The following ATRNL1 variants were observed in gnomAD, a reference collection of about 807,000 sequenced individuals.
ATRNL1 encodes the protein attractin-like protein 1.
A neutral mutation model predicts 182.7 loss-of-function variants in ATRNL1; 95 were observed. The ratio of observed to expected loss-of-function variants is 0.52; its 90% CI spans 0.44 to 0.62. The LOEUF is 0.62. ATRNL1 is among the 20% of genes least tolerant of loss of function. The pLI, the probability that ATRNL1 is intolerant of heterozygous loss-of-function variation, is 0.00. For missense variants in ATRNL1, 1,471 were observed against 1,679.5 expected (o/e 0.88, Z 2.17); for synonymous variants, 576 against 568.3 (o/e 1.01, Z -0.19).
chr10:115,275,564 TA>T (rs1460705230), intron 13 of ATRNL1, among the ~76,000 whole-genome samples: 1 of 152,220 alleles, frequency 6.6e-6, no homozygotes, highest in Non-Finnish European at 1.5e-5. Context: ...TTGCCTTTGT[TA>T]GTTGAGTGCT....
rs370397722 is a variant in ATRNL1, at chr10:115,779,934, C to G, written c.3903+52579C>G. Reference sequence around the variant, plus strand: ...GCAAGATGGCCATTGATCATCCCTACTGCAGGAACACCAAATTTCACAACT... The same window carrying G: ...GCAAGATGGCCATTGATCATCCCTAGTGCAGGAACACCAAATTTCACAACT... On this transcript the variant is annotated intron_variant, in intron 27 of 28. Coordinates refer to ENST00000355044, the MANE Select transcript of ATRNL1 (RefSeq NM_207303.4). Among the ~76,000 whole-genome samples the G allele has an allele frequency of 7.2e-5, 11 of 152,348 alleles. No individual in the cohort carries two copies. The East Asian group carries it at 1.7e-3, about 24-fold the overall frequency.
At chr10:115,648,878 G>A (rs1555033554) in intron 26 of ATRNL1, among the ~76,000 whole-genome samples, 1 of 152,122 alleles carries the variant, frequency 6.6e-6, no homozygotes, top group African/African-American at 2.4e-5. Context: ...GTGCCATTTT[G>A]TGGTAGAACA....
chr10:115,377,776 G>C (rs1554949954), intron 19 of ATRNL1, among the ~76,000 whole-genome samples: 1 of 152,150 alleles, frequency 6.6e-6, no homozygotes, highest in Non-Finnish European at 1.5e-5. Flanking sequence ...AATGGAATTG[G>C]AGTTGGCTCA....
At chr10:115,755,427 T>A (rs1948560921) in intron 27 of ATRNL1, among the ~76,000 whole-genome samples, 1 of 152,204 alleles carries the variant, frequency 6.6e-6, no homozygotes, top group Admixed American at 6.5e-5. Flanking sequence ...ATTGAGATAA[T>A]CATGTGGTTT....
At position 115,121,581 on chromosome 10, in the gene ATRNL1, T is replaced by A. The variant is rs576344255; in HGVS notation, c.378-118T>A. On this transcript the variant is annotated intron_variant, in intron 2 of 28. Coordinates refer to ENST00000355044, the MANE Select transcript of ATRNL1 (RefSeq NM_207303.4). Reference sequence around the variant, plus strand: ...ATCTATAAACAGATTTCTAATAAAATACCCTATCTAAAGTTTCTTCACTCT... The same window carrying A: ...ATCTATAAACAGATTTCTAATAAAAAACCCTATCTAAAGTTTCTTCACTCT... The A allele has an allele frequency of 1.8e-4, 70 of 399,072 alleles. No individual in the cohort carries two copies. The East Asian group carries it at 2.6e-3, about 15-fold the overall frequency. 24.7% of individuals were successfully genotyped at this position (399,072 alleles called of 1,614,324 possible). A position where few individuals can be genotyped will look rare whatever the true frequency, so the allele number is the denominator to read the frequency against.
chr10:115,625,816 C>A (rs1858059182), intron 26 of ATRNL1, among the ~76,000 whole-genome samples: 1 of 152,052 alleles, frequency 6.6e-6, no homozygotes. Flanking sequence ...ATATTTCCAA[C>A]CTCAATGAAC....
intron 26 of ATRNL1, among the ~76,000 whole-genome samples, chr10:115,722,924 T>A (rs962123078): frequency 6.6e-6 from 1 of 152,160 alleles, no homozygotes; most frequent in African/African-American, 2.4e-5. Flanking sequence ...AAAGGACATA[T>A]AAGAGTTTTA....
chr10:115,774,279 T>C (rs1949064804), intron 27 of ATRNL1, among the ~76,000 whole-genome samples: 1 of 151,680 alleles, frequency 6.6e-6, no homozygotes, highest in Non-Finnish European at 1.5e-5. Flanking sequence ...AGTACAAAAA[T>C]TAGCCAGGCA....
intron 26 of ATRNL1, among the ~76,000 whole-genome samples, chr10:115,648,766 A>G (rs2133875474): frequency 6.6e-6 from 1 of 152,244 alleles, no homozygotes; most frequent in East Asian, 1.9e-4. Flanking sequence ...TACTTTTGGT[A>G]TTGTTTCATT....
chr10:115,848,208 G>A (rs1159461915), intron 28 of ATRNL1, among the ~76,000 whole-genome samples: 1 of 152,062 alleles, frequency 6.6e-6, no homozygotes, highest in Non-Finnish European at 1.5e-5. Flanking sequence ...AACACATGTT[G>A]AATATGTGTT....
chr10:115,841,826 T>G (rs1950816544), intron 27 of ATRNL1, among the ~76,000 whole-genome samples: 1 of 152,134 alleles, frequency 6.6e-6, no homozygotes, highest in South Asian at 2.1e-4. Context: ...TTTTGAAATC[T>G]GGAATCTTAG....
chr10:115,774,013 A>G (rs1234453983), intron 27 of ATRNL1, among the ~76,000 whole-genome samples: 1 of 152,092 alleles, frequency 6.6e-6, no homozygotes, highest in Admixed American at 6.5e-5. Context: ...TTCACTCTCT[A>G]TTCCTAACTT....
At chr10:115,294,146 A>G (rs1079797) in intron 15 of ATRNL1, among the ~76,000 whole-genome samples, 1,916 of 152,190 alleles carry the variant, frequency 0.013, 40 homozygotes, top group African/African-American at 0.043. Context: ...CTCACTCCAT[A>G]TTCTATTTTA....
chr10:115,147,495 A>G (rs1449896119), intron 5 of ATRNL1, among the ~76,000 whole-genome samples: 8 of 151,784 alleles, frequency 5.3e-5, no homozygotes, highest in African/African-American at 1.9e-4. Context: ...GTCTATTTTT[A>G]TTTTTGTTGC....
At chr10:115,143,050 G>T (rs184841262) in intron 5 of ATRNL1, among the ~76,000 whole-genome samples, 12 of 152,258 alleles carry the variant, frequency 7.9e-5, no homozygotes, top group African/African-American at 2.9e-4. Context: ...AGAGAGATCT[G>T]TACTGTAGAT....
At chr10:115,492,018 C>T (rs1190576128) in intron 24 of ATRNL1, among the ~76,000 whole-genome samples, 1 of 152,168 alleles carries the variant, frequency 6.6e-6, no homozygotes, top group Non-Finnish European at 1.5e-5. Flanking sequence ...CTCTTGGCTT[C>T]CCAGGTAAGG....
intron 26 of ATRNL1, among the ~76,000 whole-genome samples, chr10:115,684,156 A>G (rs1198402862): frequency 6.6e-6 from 1 of 151,606 alleles, no homozygotes. Context: ...TAATTTCTGT[A>G]CAATTTATAT....
chr10:115,107,692 A>C (rs1473161010), intron 1 of ATRNL1, among the ~76,000 whole-genome samples: 1 of 152,370 alleles, frequency 6.6e-6, no homozygotes, highest in South Asian at 2.1e-4. Context: ...TCAGATCTAC[A>C]TTGAGGTAGC....
Position 115,407,884 on chromosome 10 carries a change from A to C in ATRNL1, c.3269+13132A>C, listed in dbSNP as rs1554958650. 3.4e-5 allele frequency among the ~76,000 whole-genome samples: 5 copies of C among 147,654 alleles called. 1 individual carries two copies. In the South Asian group the frequency reaches 6.6e-4, roughly 19 times the overall value. On this transcript the variant is annotated intron_variant, in intron 20 of 28. Transcript: ENST00000355044. ...AAGAGTTCCTTTTTACCACATCCCC[A>C]CCGGCATCTTATATTTTTGTCTTAA... is the stretch of plus-strand genomic sequence containing the variant.
Sources: allele counts gnomAD v4.1 joint callset (sites outside exome capture counted in the v4.1 genomes callset), GRCh38; gene constraint gnomAD v4.1.1; transcripts MANE v1.5; gene names NCBI Gene and HGNC (gene_info 2026-07-23, HGNC 2026-07-21).